The following FAM228B variants were observed in gnomAD, a reference collection of about 807,000 sequenced individuals.
FAM228B encodes the protein family with sequence similarity 228 member B.
FAM228B carries 38 observed loss-of-function variants against 42.6 expected under a neutral mutation model. The ratio of observed to expected loss-of-function variants is 0.89; its 90% CI spans 0.69 to 1.17. The LOEUF is 1.17. FAM228B is among the 50% of genes most tolerant of loss of function. FAM228B has a pLI of 0.00. For missense variants in FAM228B, 344 were observed against 367.3 expected (o/e 0.94, Z 0.52); for synonymous variants, 109 against 122.3 (o/e 0.89, Z 0.72).
chr2:24,149,746 G>C (rs1275773939), intron 7 of FAM228B, among the ~76,000 whole-genome samples: 1 of 152,142 alleles, frequency 6.6e-6, no homozygotes, highest in Non-Finnish European at 1.5e-5. Context: ...TGGTTGATTT[G>C]TAATAAGGCT....
In FAM228B at chr2:24,137,787, A is replaced by G. The variant is rs1666626246; in HGVS notation, c.169-122A>G. On this transcript the variant is annotated intron_variant, in intron 3 of 10. Transcript: ENST00000615575. ...TAAAGCCAAAGAAACGATTGAATTA[A>G]TGAATGTCTCTGTGGGTTATTCTTA... is the stretch of plus-strand genomic sequence containing the variant. 15 of 636,764 alleles carry G rather than the reference A, an allele frequency of 2.4e-5. No individual in the cohort carries two copies. The South Asian group carries it at 2.9e-4, about 12-fold the overall frequency. 39.4% of individuals were successfully genotyped at this position (636,764 alleles called of 1,614,324 possible).
chr2:24,084,251 C>T lies in FAM228B; in HGVS notation c.-210+3296C>T. ...ACCTTCAGGAGGACTTCACCCTCCC[C>T]CGGGCTCGGCTTGGCCACCTCCTTC... is the stretch of plus-strand genomic sequence containing the variant. On this transcript the variant is annotated intron_variant, in intron 2 of 10. Coordinates refer to the FAM228B transcript ENST00000613899. The surrounding 1 kb of genome is among the most constrained non-coding windows in gnomAD (Gnocchi z 8.4). The T allele has an allele frequency of 6.2e-7, 1 of 1,614,164 alleles. No individual in the cohort carries two copies. Among genetic ancestry groups the T allele is most frequent in the African/African-American group, 1.3e-5 (1 of 75,074 alleles).
intron 2 of FAM228B, among the ~76,000 whole-genome samples, chr2:24,094,536 G>T (rs1665458490): frequency 6.6e-6 from 1 of 152,126 alleles, no homozygotes; most frequent in Admixed American, 6.6e-5. Flanking sequence ...TGAGGCCGGA[G>T]TAAAATGTTG....
chr2:24,158,292 C>T (rs1000778946), intron 7 of FAM228B, among the ~76,000 whole-genome samples: 2 of 147,610 alleles, frequency 1.4e-5, no homozygotes, highest in Non-Finnish European at 3.0e-5. Flanking sequence ...TGGTCACCTC[C>T]TGTTTACACT....
rs1296459150 is a variant in FAM228B, at chr2:24,161,630, A to G, written c.794+17A>G. 4 of 1,395,412 alleles carry G rather than the reference A, an allele frequency of 2.9e-6. No individual in the cohort carries two copies. Among genetic ancestry groups the G allele is most frequent in the East Asian group, 2.5e-5 (1 of 40,204 alleles). 86.4% of individuals were successfully genotyped at this position (1,395,412 alleles called of 1,614,324 possible). On this transcript the variant is annotated intron_variant, in intron 8 of 10. Transcript: ENST00000615575. The stretch of plus-strand genomic sequence containing the variant: ...TATTTACAAGTAAGTCTGTTCTTCC[A>G]TAGCTTTGCTCTTCTTTTGCTAAGA...
chr2:24,132,490 T>TTTG (rs1341388873), intron 2 of FAM228B, among the ~76,000 whole-genome samples: 6 of 141,944 alleles, frequency 4.2e-5, no homozygotes, highest in African/African-American at 1.6e-4. Context: ...TTTTTTTTTT[T>TTTG]GGTTGATAGG....
chr2:24,115,513 A>G, intron 3 of FAM228B: 3 of 1,399,828 alleles, frequency 2.1e-6, no homozygotes, highest in Non-Finnish European at 2.0e-6. Context: ...CAACCATAAA[A>G]TATTTTTTCT....
chr2:24,167,420 G>A (rs1031140544), intron 9 of FAM228B, among the ~76,000 whole-genome samples: 10 of 150,560 alleles, frequency 6.6e-5, no homozygotes, highest in Admixed American at 5.3e-4. Flanking sequence ...TTATAATACC[G>A]GAGGAGGATT....
chr2:24,084,501 T>C lies in FAM228B; in HGVS notation c.-210+3546T>C, dbSNP rs1358699046. On this transcript the variant is annotated intron_variant, in intron 2 of 10. Transcript: ENST00000613899. This position sits in a 1 kb window ranked among gnomAD's most constrained non-coding sequence, Gnocchi z 8.4. ...GCCGGCCAGCGCCTCGCTGCCCTGG[T>C]CTGCCGCGGACCCGGCCTCCGCCCC... 2.3e-6 allele frequency: 2 copies of C among 877,674 alleles called. No individual in the cohort carries two copies. Among genetic ancestry groups the C allele is most frequent in the Middle Eastern group, 3.6e-4 (1 of 2,766 alleles). The allele number at this position is 877,674 out of a possible 1,614,324, so 54.4% of individuals were successfully genotyped here.
At chr2:24,121,299 A>G (rs1472862070), upstream of FAM228B, 1 of 1,613,936 alleles carries the variant, frequency 6.2e-7, no homozygotes, top group Admixed American at 1.7e-5. Context: ...ACTGGGCGTT[A>G]CCTGGAGAGG....
At chr2:24,088,038 C>T (rs955315380) in intron 2 of FAM228B, among the ~76,000 whole-genome samples, 4 of 151,914 alleles carry the variant, frequency 2.6e-5, no homozygotes, top group East Asian at 1.9e-4. Context: ...CCACTGGGTC[C>T]GGCCCATTTT....
intron 7 of FAM228B, 31 bp from the exon 8 acceptor site, chr2:24,161,475 A>G (rs1254329906): frequency 2.3e-6 from 3 of 1,300,402 alleles, no homozygotes; most frequent in Non-Finnish European, 3.2e-6. Context: ...AAGAACAAAA[A>G]AACCTTCTCA....
intron 3 of FAM228B, chr2:24,096,313 G>A (rs1324371719): frequency 6.6e-6 from 1 of 152,276 alleles, no homozygotes; most frequent in African/African-American, 2.4e-5. Context: ...GGCTTCAGAA[G>A]GTTGGTAAAA....
rs558012094 is a variant in FAM228B, at chr2:24,113,826, G to T, written c.-121+18597G>T. Among the ~76,000 whole-genome samples, 8 of 152,210 alleles carry T rather than the reference G, an allele frequency of 5.3e-5. No homozygotes were observed. In the South Asian group the frequency reaches 1.0e-3, roughly 20 times the overall value. ...CTGGAGGTGGAGGTTGCAGTGAGCC[G>T]AGATTGCACCATTGCACGCCAGCCT... is the stretch of plus-strand genomic sequence containing the variant. On this transcript the variant is annotated intron_variant, in intron 3 of 10. Transcript: ENST00000613899.
rs1054240100 is a variant in FAM228B, at chr2:24,146,843, G to C, written c.529+8G>C. 1.8e-5 allele frequency: 28 copies of C among 1,540,682 alleles called. No homozygotes were observed. The highest frequency in any genetic ancestry group is 2.4e-5 in the Non-Finnish European group (27 of 1,137,546). ...TTCTTCAGTGTGAGACTGGTACTTA[G>C]TTCCTAATTGTTATGTGATTTCATA... is the stretch of plus-strand genomic sequence containing the variant. On this transcript the variant is annotated splice_region_variant and intron_variant, in intron 6 of 10. Transcript: ENST00000615575.
At chr2:24,140,902 C>T (rs1391505531) in intron 5 of FAM228B, among the ~76,000 whole-genome samples, 4 of 149,836 alleles carry the variant, frequency 2.7e-5, no homozygotes, top group Non-Finnish European at 3.0e-5. Flanking sequence ...GTGGAGGCAG[C>T]AGTAAGCCAA....
At chr2:24,153,342 C>G (rs76167042) in intron 7 of FAM228B, among the ~76,000 whole-genome samples, 2,509 of 152,306 alleles carry the variant, frequency 0.016, 38 homozygotes, top group South Asian at 0.035. Flanking sequence ...CCAGAGCCCC[C>G]AGTATACTCC....
intron 2 of FAM228B, among the ~76,000 whole-genome samples, chr2:24,129,690 C>T (rs1213256915): frequency 6.6e-6 from 1 of 152,152 alleles, no homozygotes; most frequent in Non-Finnish European, 1.5e-5. Context: ...TTTCTATTCT[C>T]TGCTAAGATT....
chr2:24,086,133 G>C (rs1665239745), intron 2 of FAM228B, among the ~76,000 whole-genome samples: 1 of 151,756 alleles, frequency 6.6e-6, no homozygotes, highest in Admixed American at 6.6e-5. Context: ...TATTCGGGAG[G>C]CTGAGGCAGG....
Sources: gnomAD v4.1 joint callset for allele counts (sites outside exome capture counted in the v4.1 genomes callset) on GRCh38, gnomAD v4.1.1 for gene constraint, Gnocchi (gnomAD v3.1) non-coding constraint, MANE v1.5 for transcripts, NCBI Gene and HGNC (gene_info 2026-07-23, HGNC 2026-07-21) for gene names.